TTC6: variants seen among roughly 807,000 people sequenced by gnomAD.
The protein encoded by TTC6 is tetratricopeptide repeat domain 6.
TTC6 carries 172 observed loss-of-function variants against 210.4 expected under a neutral mutation model. The observed-to-expected ratio is 0.82, with a 90% CI of 0.72 to 0.93. The LOEUF is 0.93. Ranked by LOEUF, TTC6 falls within the 40% of genes least tolerant of loss-of-function variation. The pLI is 0.00. For synonymous variants in TTC6, 804 were observed against 819.6 expected (o/e 0.98, Z 0.32); for missense variants, 2,414 against 2,318.1 (o/e 1.04, Z -0.85).
chr14:37,738,696 G>T, intron 9 of TTC6, 80 bp from the exon 12 acceptor site: 1 of 1,159,452 alleles, frequency 8.6e-7, no homozygotes, highest in Non-Finnish European at 1.2e-6. Context: ...AATAGTAATT[G>T]TAACAGAATT....
At chr14:37,749,514 ATTAT>A (rs1168621155) in intron 11 of TTC6, 113 bp downstream of exon 13, 1 of 623,546 alleles carries the variant, frequency 1.6e-6, no homozygotes, top group Non-Finnish European at 2.2e-6. Flanking sequence ...AGCATGTGGA[ATTAT>A]TATAACAGTA....
chr14:37,769,145 A>G (rs1196910317), intron 14 of TTC6, among the ~76,000 whole-genome samples: 1 of 151,534 alleles, frequency 6.6e-6, no homozygotes, highest in Non-Finnish European at 1.5e-5. Flanking sequence ...CATCCCAGGG[A>G]TGAAGCCCAC....
Position 37,768,557 on chromosome 14 carries a change from G to A in TTC6, c.3266+15322G>A, listed in dbSNP as rs915981617. On this transcript the variant is annotated intron_variant, in intron 14 of 30. Coordinates refer to ENST00000553443, the Ensembl canonical transcript of TTC6. The stretch of plus-strand genomic sequence containing the variant: ...GATTCCTACGTATTTTATTCTCCTT[G>A]AAGCAATTGTGAATGGGAGTTCACT... Among the ~76,000 whole-genome samples, 40 of 152,016 alleles carry A rather than the reference G, an allele frequency of 2.6e-4. 1 individual carries two copies. The highest frequency in any genetic ancestry group is 9.8e-4 in the Admixed American group (15 of 15,248).
intron 1 of TTC6, among the ~76,000 whole-genome samples, chr14:37,677,752 A>G (rs1237025145): frequency 1.3e-5 from 2 of 151,890 alleles, no homozygotes; most frequent in Admixed American, 6.6e-5. Flanking sequence ...TTCATTTGTC[A>G]TGGTTCCTGT....
At chr14:37,699,781 T>A (rs2095821373) in intron 4 of TTC6, among the ~76,000 whole-genome samples, 1 of 152,130 alleles carries the variant, frequency 6.6e-6, no homozygotes, top group Non-Finnish European at 1.5e-5. Context: ...AAAGATGTTT[T>A]CTATCTTCAA....
At position 37,738,761 on chromosome 14, in the gene TTC6, T is replaced by A; in HGVS notation, c.1984-15T>A. The A allele has an allele frequency of 6.9e-7, 1 of 1,443,972 alleles. No individual in the cohort carries two copies. Among genetic ancestry groups the A allele is most frequent in the Non-Finnish European group, 9.0e-7 (1 of 1,105,202 alleles). The allele number at this position is 1,443,972 out of a possible 1,614,324, so 89.4% of individuals were successfully genotyped here. A position where few individuals can be genotyped will look rare whatever the true frequency, so the allele number is the denominator to read the frequency against. ...TGATTTTACGTTTTTTCTACCTCTT[T>A]GCTTGCTTACTAAGCGAGTAAAATC... On this transcript the variant is annotated splice_polypyrimidine_tract_variant and intron_variant, in intron 9 of 30. Transcript: ENST00000553443.
chr14:37,634,582 A>G (rs935070999), intron 1 of TTC6, among the ~76,000 whole-genome samples: 1 of 152,192 alleles, frequency 6.6e-6, no homozygotes, highest in African/African-American at 2.4e-5. Context: ...AATAATGGCT[A>G]GAAACTTCCC....
In TTC6 at chr14:37,598,732, C is replaced by CA. The variant is rs1332712589; in HGVS notation, c.-235+2725dup. ...GGGTCCTTCCTATTTAGCAGGACCGCAGGGTTGGCAGACAGCAGGGCCTGG... is the reference window on the plus strand; with the variant it reads ...GGGTCCTTCCTATTTAGCAGGACCGCAAGGGTTGGCAGACAGCAGGGCCTGG... On this transcript the variant is annotated intron_variant, in intron 1 of 2. Transcript: ENST00000556845. This position sits in a 1 kb window ranked among gnomAD's most constrained non-coding sequence, Gnocchi z 4.9. Among the ~76,000 whole-genome samples the CA allele has an allele frequency of 3.9e-5, 6 of 152,170 alleles. 1 individual carries two copies.
At chr14:37,728,480 A>G (rs937596862) in intron 7 of TTC6, among the ~76,000 whole-genome samples, 2 of 152,068 alleles carry the variant, frequency 1.3e-5, no homozygotes, top group Non-Finnish European at 2.9e-5. Flanking sequence ...CTGTGATTAG[A>G]AGATGTTTTG....
intron 29 of TTC6, among the ~76,000 whole-genome samples, chr14:37,829,190 A>G (rs968727767): frequency 1.3e-5 from 2 of 151,940 alleles, no homozygotes; most frequent in African/African-American, 4.8e-5. Flanking sequence ...TTTATACTGT[A>G]TAGAATCGGA....
At chr14:37,707,627 G>A (rs148473734) in intron 5 of TTC6, among the ~76,000 whole-genome samples, 270 of 152,118 alleles carry the variant, frequency 1.8e-3, no homozygotes, top group African/African-American at 5.9e-3. Flanking sequence ...ACACAAAGCA[G>A]AATCTTTCTA....
intron 1 of TTC6, among the ~76,000 whole-genome samples, chr14:37,672,627 A>C (rs1281642207): frequency 6.6e-6 from 1 of 152,174 alleles, no homozygotes; most frequent in Non-Finnish European, 1.5e-5. Flanking sequence ...AGGCATATTA[A>C]CTTAGATTTC....
At chr14:37,842,464 C>T, downstream of TTC6, 1 of 517,198 alleles carries the variant, frequency 1.9e-6, no homozygotes, top group Non-Finnish European at 2.9e-6. Flanking sequence ...AATTATAAAA[C>T]ATATATCATT....
chr14:37,626,028 C>G (rs1439347240), intron 1 of TTC6, among the ~76,000 whole-genome samples: 1 of 152,172 alleles, frequency 6.6e-6, no homozygotes, highest in Non-Finnish European at 1.5e-5. Context: ...CTTCTATACA[C>G]TAGATACTAG....
chr14:37,814,647 A>G (rs1327566157), intron 25 of TTC6, among the ~76,000 whole-genome samples: 2 of 152,180 alleles, frequency 1.3e-5, no homozygotes, highest in Non-Finnish European at 2.9e-5. Flanking sequence ...CCAAAAACAC[A>G]TTTTAAATAT....
In TTC6 at chr14:37,664,841, A is replaced by G. The variant is rs765614725; in HGVS notation, c.940-15310A>G. 1.7e-4 allele frequency among the ~76,000 whole-genome samples: 26 copies of G among 150,710 alleles called. 1 individual carries two copies. Among genetic ancestry groups the G allele is most frequent in the Admixed American group, 1.6e-3 (24 of 15,156 alleles). On this transcript the variant is annotated intron_variant, in intron 1 of 30. Transcript: ENST00000553443. Reference sequence around the variant, plus strand: ...CCCCATTAAAAAGTGGGTAAAGGACATGAGCAGACATTTCTCAAAAGAAGA... The same window carrying G: ...CCCCATTAAAAAGTGGGTAAAGGACGTGAGCAGACATTTCTCAAAAGAAGA...
chr14:37,621,217 A>G (rs796370483), upstream of TTC6, among the ~76,000 whole-genome samples: 24 of 152,336 alleles, frequency 1.6e-4, no homozygotes, highest in African/African-American at 5.5e-4. Context: ...TGGCCCTTGC[A>G]CTGACAGACC....
intron 1 of TTC6, among the ~76,000 whole-genome samples, chr14:37,600,544 T>A (rs1218390314): frequency 2.6e-5 from 4 of 151,564 alleles, no homozygotes; most frequent in Non-Finnish European, 5.9e-5. Context: ...TTGTCCCTGG[T>A]GGTTTAGCTT....
chr14:37,784,329 G>A (rs1204444478), intron 14 of TTC6, among the ~76,000 whole-genome samples: 1 of 152,114 alleles, frequency 6.6e-6, no homozygotes, highest in Non-Finnish European at 1.5e-5. Flanking sequence ...TATATATTTA[G>A]GATAGTTAGC....
Sources: gnomAD v4.1 joint callset for allele counts (sites outside exome capture counted in the v4.1 genomes callset) on GRCh38, gnomAD v4.1.1 for gene constraint, Gnocchi (gnomAD v3.1) non-coding constraint, MANE v1.5 for transcripts, NCBI Gene and HGNC (gene_info 2026-07-23, HGNC 2026-07-21) for gene names.